Variants in QTGAL observed in about 807,000 individuals in gnomAD.
QTGAL encodes BGnT-like protein 1.
At chr17:82,957,501 TGGA>T in the QTGAL span, 1 of 1,597,292 alleles carries the variant, frequency 6.3e-7, no homozygotes, top group Non-Finnish European at 8.5e-7. Flanking sequence ...CGTCCTGCGG[TGGA>T]GAAGAGGGTG....
At chr17:82,976,989 G>A in the QTGAL span, among the ~76,000 whole-genome samples, 5 of 152,156 alleles carry the variant, frequency 3.3e-5, no homozygotes, top group Non-Finnish European at 1.5e-5. Flanking sequence ...AGGGGCCGGA[G>A]GCCACCGTCA....
chr17:83,044,824 T>C, the QTGAL span, among the ~76,000 whole-genome samples: 7 of 152,248 alleles, frequency 4.6e-5, no homozygotes, highest in Admixed American at 2.0e-4. Flanking sequence ...CGCACGCCTG[T>C]AGACCCAGCT....
the QTGAL span, chr17:82,942,310 T>C: frequency 8.1e-7 from 1 of 1,233,968 alleles, no homozygotes. Flanking sequence ...GGCTGCCGGG[T>C]GTGTGGGAAA....
chr17:83,051,741 T>G, the QTGAL span: 1 of 1,496,568 alleles, frequency 6.7e-7, no homozygotes, highest in Non-Finnish European at 8.9e-7. Context: ...ACCTACCACG[T>G]GGGCCTGCAT....
At chr17:83,035,100 CTG>C in the QTGAL span, 1 of 1,610,902 alleles carries the variant, frequency 6.2e-7, no homozygotes, top group Non-Finnish European at 8.5e-7. Flanking sequence ...GCGTATCCGA[CTG>C]TGGAAAAAAG....
the QTGAL span, chr17:82,956,651 C>A: frequency 6.7e-7 from 1 of 1,502,074 alleles, no homozygotes; most frequent in Non-Finnish European, 9.0e-7. The surrounding 1 kb of genome is among the most constrained non-coding windows in gnomAD (Gnocchi z 5.7). Flanking sequence ...GTGGCAGAGC[C>A]CGGGATCCCC....
chr17:82,965,045 C>T, the QTGAL span, among the ~76,000 whole-genome samples: 1,854 of 143,212 alleles, frequency 0.013, 57 homozygotes, highest in African/African-American at 0.046. Context: ...ACAGGGAGGA[C>T]GGGGACATGG....
At chr17:82,946,633 TA>T in the QTGAL span, among the ~76,000 whole-genome samples, 1 of 141,664 alleles carries the variant, frequency 7.1e-6, no homozygotes, top group South Asian at 2.4e-4. Context: ...TTAAAAGAAA[TA>T]ATGAAAATTA....
At chr17:83,050,031 A>T in the QTGAL span, among the ~76,000 whole-genome samples, 1 of 152,226 alleles carries the variant, frequency 6.6e-6, no homozygotes, top group East Asian at 1.9e-4. Context: ...GTTCTTTACA[A>T]ATGAAACCTC....
chr17:83,029,189 A>T, the QTGAL span, among the ~76,000 whole-genome samples: 1 of 152,166 alleles, frequency 6.6e-6, no homozygotes, highest in African/African-American at 2.4e-5. Flanking sequence ...TTGTACACAA[A>T]TTTCACACGG....
At chr17:82,947,134 CAA>C in the QTGAL span, 1 of 628,648 alleles carries the variant, frequency 1.6e-6, no homozygotes, top group Non-Finnish European at 2.7e-6. Context: ...TGGAAGGAGA[CAA>C]AGGCCAGAGA....
chr17:82,998,387 C>G, the QTGAL span, among the ~76,000 whole-genome samples: 1 of 152,126 alleles, frequency 6.6e-6, no homozygotes, highest in African/African-American at 2.4e-5. Context: ...ACTCTGTCTC[C>G]CAGGCTGGAG....
At chr17:82,975,735 G>A in the QTGAL span, among the ~76,000 whole-genome samples, 6 of 75,290 alleles carry the variant, frequency 8.0e-5, no homozygotes, top group Admixed American at 1.1e-4. Flanking sequence ...GACAGAGCCG[G>A]ACTCCATCCT....
the QTGAL span, among the ~76,000 whole-genome samples, chr17:83,035,946 G>C: frequency 6.6e-6 from 1 of 151,910 alleles, no homozygotes; most frequent in Admixed American, 6.6e-5. Context: ...ATGGGCTGGT[G>C]GAGGTCACTG....
At chr17:83,021,689 A>G in the QTGAL span, among the ~76,000 whole-genome samples, 108 of 152,352 alleles carry the variant, frequency 7.1e-4, no homozygotes, top group African/African-American at 2.3e-3. Flanking sequence ...AAAAAACGAA[A>G]AAAACCAACA....
chr17:83,051,348 G>A, the QTGAL span, among the ~76,000 whole-genome samples: 2 of 151,882 alleles, frequency 1.3e-5, no homozygotes, highest in Admixed American at 6.6e-5. Context: ...CGCGGGGCAG[G>A]CGGGCGGGGA....
chr17:82,957,853 C>T, the QTGAL span, among the ~76,000 whole-genome samples: 1 of 152,150 alleles, frequency 6.6e-6, no homozygotes. Flanking sequence ...ACACATGCAA[C>T]CATCCCATAA....
At chr17:82,984,610 A>C in the QTGAL span, among the ~76,000 whole-genome samples, 246 of 150,690 alleles carry the variant, frequency 1.6e-3, 13 homozygotes, top group African/African-American at 5.8e-3. Flanking sequence ...AAAGGGTGCC[A>C]TCTGCAAGCC....
chr17:83,036,697 G>A, the QTGAL span, among the ~76,000 whole-genome samples: 1 of 152,288 alleles, frequency 6.6e-6, no homozygotes. Flanking sequence ...ACCAGCAGAA[G>A]CAAGGCAGCC....
Sources: allele counts gnomAD v4.1 joint callset (sites outside exome capture counted in the v4.1 genomes callset), GRCh38; gene constraint gnomAD v4.1.1; non-coding constraint Gnocchi (gnomAD v3.1); transcripts MANE v1.5; gene names NCBI Gene and HGNC (gene_info 2026-07-23, HGNC 2026-07-21).